TIAM1: variants seen among roughly 807,000 people sequenced by gnomAD.
The protein encoded by TIAM1 is rho guanine nucleotide exchange factor TIAM1.
In TIAM1, 65 loss-of-function variants were observed where a neutral mutation model predicts 163.5. That is an observed-to-expected ratio of 0.40 (90% confidence interval 0.33 to 0.49). The LOEUF (loss-of-function observed/expected upper bound fraction) is 0.49. TIAM1 is among the 20% of genes least tolerant of loss of function. The probability of loss-of-function intolerance (pLI) is 0.77; values close to 1 mark genes in which losing one functional copy is unlikely to be tolerated. For missense variants in TIAM1, 1,789 were observed against 2,044.7 expected (o/e 0.87, Z 2.41); for synonymous variants, 833 against 810.1 (o/e 1.03, Z -0.48).
At chr21:31,174,569 C>T (rs1187109011) in intron 15 of TIAM1, among the ~76,000 whole-genome samples, 1 of 152,244 alleles carries the variant, frequency 6.6e-6, no homozygotes. Flanking sequence ...AACACCACAG[C>T]AGGAATAACC....
intron 3 of TIAM1, among the ~76,000 whole-genome samples, chr21:31,272,201 A>G (rs1569144116): frequency 6.6e-6 from 1 of 152,192 alleles, no homozygotes; most frequent in Non-Finnish European, 1.5e-5. Flanking sequence ...TTTATTTATA[A>G]TAAGTGTTGA....
chr21:31,164,624 C>T (rs912888800), intron 16 of TIAM1, among the ~76,000 whole-genome samples: 1 of 152,088 alleles, frequency 6.6e-6, no homozygotes, highest in African/African-American at 2.4e-5. Flanking sequence ...TGACTCAATC[C>T]CACATACTTT....
chr21:31,225,420 G>A (rs952914888), intron 7 of TIAM1, among the ~76,000 whole-genome samples: 2 of 152,148 alleles, frequency 1.3e-5, no homozygotes, highest in African/African-American at 4.8e-5. Context: ...CATGGGAAAT[G>A]AAATTGCAAA....
At chr21:31,254,451 T>C (rs1293847472) in intron 4 of TIAM1, among the ~76,000 whole-genome samples, 1 of 152,198 alleles carries the variant, frequency 6.6e-6, no homozygotes, top group Non-Finnish European at 1.5e-5. Flanking sequence ...CCCTGCACTT[T>C]GGGAGGCTGA....
At chr21:31,305,424 A>T (rs1188948743) in intron 2 of TIAM1, among the ~76,000 whole-genome samples, 86 of 64,714 alleles carry the variant, frequency 1.3e-3, no homozygotes, top group Admixed American at 7.3e-3. Context: ...AATAAAAATA[A>T]AAAAAAAAAA....
At chr21:31,275,115 C>A (rs181426921) in intron 3 of TIAM1, among the ~76,000 whole-genome samples, 1 of 145,880 alleles carries the variant, frequency 6.9e-6, no homozygotes. Flanking sequence ...GAGCAAAATG[C>A]TGTCTCAAGT....
chr21:31,181,624 G>A (rs1011052526), intron 15 of TIAM1, among the ~76,000 whole-genome samples: 5 of 151,896 alleles, frequency 3.3e-5, no homozygotes, highest in African/African-American at 9.7e-5. Flanking sequence ...CTCAGCTCAC[G>A]TCCTTCTCTC....
At chr21:31,236,326 A>T (rs2088755027) in intron 6 of TIAM1, among the ~76,000 whole-genome samples, 1 of 152,222 alleles carries the variant, frequency 6.6e-6, no homozygotes, top group Non-Finnish European at 1.5e-5. Flanking sequence ...GCCCTTCACA[A>T]CTAATCCATG....
upstream of TIAM1, among the ~76,000 whole-genome samples, chr21:31,345,928 G>A (rs1183584351): frequency 6.6e-6 from 1 of 152,184 alleles, no homozygotes; most frequent in East Asian, 1.9e-4. Flanking sequence ...TCCAGCCTGG[G>A]TGACGGAGTG....
chr21:31,465,534 T>A (rs910769479), intron 1 of TIAM1, among the ~76,000 whole-genome samples: 1 of 151,276 alleles, frequency 6.6e-6, no homozygotes, highest in Non-Finnish European at 1.5e-5. Flanking sequence ...AACCAGCCTA[T>A]AAGGGCAGTG....
At chr21:31,405,966 C>T (rs531380400) in intron 2 of TIAM1, among the ~76,000 whole-genome samples, 24 of 152,262 alleles carry the variant, frequency 1.6e-4, no homozygotes, top group Non-Finnish European at 2.9e-4. Flanking sequence ...AAACCTCAAC[C>T]ATATTTGCTT....
chr21:31,392,727 TGG>T (rs538473175), intron 2 of TIAM1, among the ~76,000 whole-genome samples: 407 of 152,190 alleles, frequency 2.7e-3, no homozygotes, highest in Non-Finnish European at 5.1e-3. Context: ...GCAGATCCCT[TGG>T]CTTGGTGCCA....
chr21:31,336,683 G>A (rs1380260645), intron 2 of TIAM1, among the ~76,000 whole-genome samples: 3 of 152,134 alleles, frequency 2.0e-5, no homozygotes, highest in Admixed American at 1.3e-4. Flanking sequence ...TCCTACTTCA[G>A]GGAGAGCTCA....
intron 2 of TIAM1, among the ~76,000 whole-genome samples, chr21:31,423,700 T>TAAAAAAAAAAAAAAAAAAAAAA (rs200137644): frequency 2.1e-5 from 1 of 48,224 alleles, no homozygotes; most frequent in Admixed American, 2.7e-4. Flanking sequence ...TAGAAAGTTG[T>TAAAAAAAAAAAAAAAAAAAAAA]AAAAAAAAAA....
At chr21:31,184,837 A>G (rs1400785661) in intron 14 of TIAM1, among the ~76,000 whole-genome samples, 2 of 152,208 alleles carry the variant, frequency 1.3e-5, no homozygotes, top group Non-Finnish European at 2.9e-5. Context: ...TGTGACAGTC[A>G]GCAGCAGATA....
At chr21:31,202,835 A>G (rs1249290179) in intron 12 of TIAM1, 73 bp downstream of exon 12, 2 of 1,423,444 alleles carry the variant, frequency 1.4e-6, no homozygotes, top group African/African-American at 1.4e-5. Context: ...ACCAACTACA[A>G]TTAACACGAG....
At chr21:31,231,108 T>C (rs1378286915) in intron 6 of TIAM1, among the ~76,000 whole-genome samples, 3 of 151,976 alleles carry the variant, frequency 2.0e-5, no homozygotes, top group South Asian at 2.1e-4. Context: ...ATTCGCCCCA[T>C]TCTTGCCCCG....
intron 1 of TIAM1, among the ~76,000 whole-genome samples, chr21:31,508,334 G>A (rs1246274176): frequency 1.3e-5 from 2 of 152,044 alleles, no homozygotes; most frequent in Non-Finnish European, 2.9e-5. Flanking sequence ...TTTCCTTGGA[G>A]TGGGGAGGAG....
rs2076256947 is a variant in TIAM1 at position 31,352,836 on chromosome 21, C to G, written c.-368-13414G>C. Among the ~76,000 whole-genome samples the G allele has an allele frequency of 2.0e-5, 3 of 151,168 alleles. No homozygotes were observed. In the East Asian group the frequency reaches 5.8e-4, roughly 29 times the overall value. ...GTTGCAGTGAGCTGTAATCATGCCA[C>G]TGCACTGTAGCCTGGGCAAAAGATT... On this transcript the variant is annotated intron_variant, in intron 2 of 28. Coordinates refer to the TIAM1 transcript ENST00000286827.
Sources: gnomAD v4.1 joint callset for allele counts (sites outside exome capture counted in the v4.1 genomes callset) on GRCh38, gnomAD v4.1.1 for gene constraint, MANE v1.5 for transcripts, NCBI Gene and HGNC (gene_info 2026-07-23, HGNC 2026-07-21) for gene names.